ZMYM4: variants seen among roughly 807,000 people sequenced by gnomAD.
ZMYM4 encodes the protein zinc finger MYM-type containing 4, also known as zinc finger MYM-type protein 4.
ZMYM4 carries 31 observed loss-of-function variants against 183.2 expected under a neutral mutation model. The observed-to-expected ratio is 0.17, with a 90% CI of 0.13 to 0.23. The LOEUF (loss-of-function observed/expected upper bound fraction) is 0.23, where lower values mean the gene tolerates loss of function less well. ZMYM4 is among the 10% of genes least tolerant of loss of function. The pLI is 1.00. For missense variants in ZMYM4, 1,273 were observed against 1,840.3 expected (o/e 0.69, Z 5.64); for synonymous variants, 592 against 631.2 (o/e 0.94, Z 0.93).
chr1:35,398,712 A>T (rs1161867044), intron 21 of ZMYM4, 152 bp from the exon 22 acceptor site: 1 of 826,570 alleles, frequency 1.2e-6, no homozygotes, highest in African/African-American at 1.7e-5. Flanking sequence ...TTTGAGACTG[A>T]TGAACAAGTT....
intron 2 of ZMYM4, among the ~76,000 whole-genome samples, chr1:35,357,986 C>T (rs1643869792): frequency 6.6e-6 from 1 of 151,942 alleles, no homozygotes; most frequent in Non-Finnish European, 1.5e-5. Flanking sequence ...AATAAGAGTA[C>T]CAAAGAATCC....
chr1:35,358,116 T>C (rs2148901923), intron 2 of ZMYM4, among the ~76,000 whole-genome samples: 1 of 152,244 alleles, frequency 6.6e-6, no homozygotes, highest in Middle Eastern at 3.4e-3. Flanking sequence ...AGTTGGGAGC[T>C]GATTGTATTA....
At chr1:35,365,490 A>G (rs928526317) in intron 5 of ZMYM4, among the ~76,000 whole-genome samples, 1 of 152,004 alleles carries the variant, frequency 6.6e-6, no homozygotes, top group African/African-American at 2.4e-5. Context: ...TCTCATTGAA[A>G]GAACTCAATT....
chr1:35,313,160 C>T (rs2148788732), intron 1 of ZMYM4, among the ~76,000 whole-genome samples: 1 of 151,726 alleles, frequency 6.6e-6, no homozygotes, highest in South Asian at 2.1e-4. Flanking sequence ...TCCCAAAGTG[C>T]TGGGATTACA....
At position 35,367,607 on chromosome 1, in the gene ZMYM4, T is replaced by G. The variant is rs184946052; in HGVS notation, c.841-2422T>G. Among the ~76,000 whole-genome samples the G allele has an allele frequency of 2.6e-5, 4 of 152,296 alleles. No homozygotes were observed. The East Asian group carries it at 5.8e-4, about 22-fold the overall frequency. The stretch of plus-strand genomic sequence containing the variant: ...CAGACTGAAAATGATATAGAAGAGA[T>G]AGCCCAAAAACAGACATTATTTTTT... On this transcript the variant is annotated intron_variant, in intron 5 of 29. Transcript: ENST00000314607.
chr1:35,332,127 AG>A (rs1307580738), intron 2 of ZMYM4, among the ~76,000 whole-genome samples: 10 of 152,078 alleles, frequency 6.6e-5, no homozygotes, highest in Non-Finnish European at 1.0e-4. Context: ...TATGTTAAAT[AG>A]TATTGATTTA....
At chr1:35,309,114 C>T in intron 1 of ZMYM4, 1 of 825,470 alleles carries the variant, frequency 1.2e-6, no homozygotes, top group Non-Finnish European at 1.5e-6. Context: ...ATATGGATGC[C>T]AACCTCATTG....
At chr1:35,413,069 G>T (rs1639979074) in intron 26 of ZMYM4, among the ~76,000 whole-genome samples, 2 of 151,946 alleles carry the variant, frequency 1.3e-5, no homozygotes, top group Non-Finnish European at 2.9e-5. Flanking sequence ...AAGAGACAGG[G>T]TCTTGCTCTG....
At chr1:35,415,802 G>A in intron 28 of ZMYM4, 88 bp downstream of exon 28, 1 of 1,490,624 alleles carries the variant, frequency 6.7e-7, no homozygotes, top group South Asian at 1.3e-5. Context: ...AATTATAAAT[G>A]CTAGACGTGA....
At chr1:35,305,914 T>G (rs1054961227) in intron 1 of ZMYM4, among the ~76,000 whole-genome samples, 2 of 152,224 alleles carry the variant, frequency 1.3e-5, no homozygotes, top group Admixed American at 1.3e-4. Flanking sequence ...CAGGGTTTTT[T>G]TATGCTTAGT....
At position 35,268,925 on chromosome 1, in the gene ZMYM4, C is replaced by A; in HGVS notation, c.-122C>A. 1 of 1,175,258 alleles carries A rather than the reference C, an allele frequency of 8.5e-7. No homozygotes were observed. The highest frequency in any genetic ancestry group is 1.1e-6 in the Non-Finnish European group (1 of 914,870). The allele number at this position is 1,175,258 out of a possible 1,614,324, so 72.8% of individuals were successfully genotyped here. ...CCCTCCCCACTCTCGGCGCAAGGCCCGGCCGGGTCCGGGGAAGCTGCCGCG... is the reference window on the plus strand; with the variant it reads ...CCCTCCCCACTCTCGGCGCAAGGCCAGGCCGGGTCCGGGGAAGCTGCCGCG... On this transcript the variant is annotated 5_prime_UTR_variant, in exon 1 of 30. Transcript: ENST00000314607.
intron 7 of ZMYM4, among the ~76,000 whole-genome samples, chr1:35,378,745 T>G (rs1644386934): frequency 6.6e-6 from 1 of 152,182 alleles, no homozygotes; most frequent in Non-Finnish European, 1.5e-5. Context: ...GATGGCATCG[T>G]TTTTCAATAG....
At chr1:35,352,388 A>T (rs74362546) in intron 2 of ZMYM4, among the ~76,000 whole-genome samples, 1 of 104,794 alleles carries the variant, frequency 9.5e-6, no homozygotes, top group African/African-American at 4.3e-5. Flanking sequence ...AAATTAGCGC[A>T]CACACACACA....
At chr1:35,353,041 C>A (rs1318999618) in intron 2 of ZMYM4, among the ~76,000 whole-genome samples, 2 of 152,110 alleles carry the variant, frequency 1.3e-5, no homozygotes, top group Non-Finnish European at 2.9e-5. Context: ...ATTCATTCTC[C>A]CTCTTTCAGT....
chr1:35,314,203 C>T (rs1280107306), intron 1 of ZMYM4, among the ~76,000 whole-genome samples: 1 of 152,072 alleles, frequency 6.6e-6, no homozygotes. Flanking sequence ...AACTTGGTAA[C>T]CAATTCTATA....
intron 7 of ZMYM4, among the ~76,000 whole-genome samples, chr1:35,380,448 C>A (rs1644430734): frequency 6.6e-6 from 1 of 152,130 alleles, no homozygotes; most frequent in South Asian, 2.1e-4. Flanking sequence ...CTGCCTCAAC[C>A]TCCTGAGTAG....
In ZMYM4 at chr1:35,377,429, G is replaced by A. The variant is rs78737400; in HGVS notation, c.1182-3830G>A. On this transcript the variant is annotated intron_variant, in intron 7 of 29. Coordinates refer to ENST00000314607, the MANE Select transcript of ZMYM4 (RefSeq NM_005095.3). Reference sequence around the variant, plus strand: ...TAGTAAAATATTAGGTGCTCCTAACGATGATTTCCCATTATATCTACTATT... The same window carrying A: ...TAGTAAAATATTAGGTGCTCCTAACAATGATTTCCCATTATATCTACTATT... Among the ~76,000 whole-genome samples the A allele has an allele frequency of 3.3e-3, 495 of 152,290 alleles. 4 individuals carry two copies. The highest frequency in any genetic ancestry group is 0.011 in the African/African-American group (478 of 41,570).
rs191111335 is a variant in ZMYM4 at position 35,287,400 on chromosome 1, T to C, written c.39+18315T>C. 4.1e-3 allele frequency among the ~76,000 whole-genome samples: 622 copies of C among 151,982 alleles called. 4 individuals are homozygous for C. The highest frequency in any genetic ancestry group is 0.021 in the Middle Eastern group (6 of 292). On this transcript the variant is annotated intron_variant, in intron 1 of 29. Coordinates refer to ENST00000314607, the MANE Select transcript of ZMYM4 (RefSeq NM_005095.3). ...TAGGATCTACCCATTAAGTACATTATGTGATTTCCATTTTACTTCTTCGCT... is the reference window on the plus strand; with the variant it reads ...TAGGATCTACCCATTAAGTACATTACGTGATTTCCATTTTACTTCTTCGCT...
At chr1:35,351,195 T>C (rs1465285144) in intron 2 of ZMYM4, 2 of 1,361,598 alleles carry the variant, frequency 1.5e-6, no homozygotes, top group African/African-American at 1.4e-5. Context: ...CAATAAAGTT[T>C]TGGGTACCCT....
Sources: allele counts gnomAD v4.1 joint callset (sites outside exome capture counted in the v4.1 genomes callset), GRCh38; gene constraint gnomAD v4.1.1; transcripts MANE v1.5; gene names NCBI Gene and HGNC (gene_info 2026-07-23, HGNC 2026-07-21).